Variants in CDH15 observed in about 807,000 individuals in gnomAD.
The protein encoded by CDH15 is cadherin 15.
CDH15 carries 73 observed loss-of-function variants against 69.4 expected under a neutral mutation model. The ratio of observed to expected loss-of-function variants is 1.05; its 90% CI spans 0.87 to 1.28. CDH15 has a LOEUF of 1.28. CDH15 is among the 50% of genes most tolerant of loss of function. The probability of loss-of-function intolerance (pLI) is 0.00; values close to 1 mark genes in which losing one functional copy is unlikely to be tolerated. For missense variants in CDH15, 1,343 were observed against 1,133.6 expected (o/e 1.18, Z -2.65); for synonymous variants, 624 against 507.7 (o/e 1.23, Z -3.08).
At chr16:89,187,871 G>A (rs1915524722) in intron 6 of CDH15, among the ~76,000 whole-genome samples, 1 of 152,200 alleles carries the variant, frequency 6.6e-6, no homozygotes, top group Non-Finnish European at 1.5e-5. Context: ...ACGAAGCTGA[G>A]CCCACAGAGG....
At position 89,190,314 on chromosome 16, in the gene CDH15, G is replaced by A. The variant is rs548832046; in HGVS notation, c.1050G>A (p.Ala350=). 1.4e-5 allele frequency: 23 copies of A among 1,612,218 alleles called. No individual in the cohort carries two copies. Among genetic ancestry groups the A allele is most frequent in the African/African-American group, 6.7e-5 (5 of 75,042 alleles). ...VSVQNEAPLQ[A]AALRAERGQA... is the part of the protein sequence containing the mutation. ...TGCAGAATGAGGCCCCGCTGCAGGC[G>A]GCTGCCCTTAGGGCTGAGCGGGGCC... is the stretch of plus-strand genomic sequence containing the variant. The change falls in exon 8 of 14, where the codon GCG becomes GCA. Residue 350 remains alanine, a synonymous_variant. Coordinates refer to ENST00000289746, the MANE Select transcript of CDH15 (RefSeq NM_004933.3).
Position 89,193,370 on chromosome 16 carries a change from C to T in CDH15, c.1856-100C>T, listed in dbSNP as rs565045517. ...CCTCAACCCCACCCCTGCTTACCAG[C>T]CTTGCCCCGCCCCGCCCCCTCCTCC... On this transcript the variant is annotated intron_variant, in intron 11 of 13. Coordinates refer to ENST00000289746, the MANE Select transcript of CDH15 (RefSeq NM_004933.3). The T allele has an allele frequency of 1.3e-4, 90 of 706,444 alleles. 2 individuals are homozygous for T. The African/African-American group carries it at 1.6e-3, about 13-fold the overall frequency. 43.8% of individuals were successfully genotyped at this position (706,444 alleles called of 1,614,324 possible).
Position 89,192,015 on chromosome 16 carries a change from C to A in CDH15, c.1615+121C>A, listed in dbSNP as rs1014628664. On this transcript the variant is annotated intron_variant, in intron 10 of 13. Transcript: ENST00000289746. The stretch of plus-strand genomic sequence containing the variant: ...AAACCCGTGGTCCTGCAACAGGTCC[C>A]CTCCCGCCACCCCCCCCACCACTGC... 8.1e-5 allele frequency: 94 copies of A among 1,162,226 alleles called. 1 individual carries two copies. The African/African-American group carries it at 1.3e-3, about 16-fold the overall frequency. 72.0% of individuals were successfully genotyped at this position (1,162,226 alleles called of 1,614,324 possible).
chr16:89,180,082 A>G (rs1033403660), intron 2 of CDH15, 118 bp from the exon 3 acceptor site: 3 of 1,113,474 alleles, frequency 2.7e-6, no homozygotes, highest in Non-Finnish European at 4.0e-6. Flanking sequence ...TCCGTCCTCC[A>G]GTCCTAGGAG....
intron 10 of CDH15, 59 bp downstream of exon 10, chr16:89,191,953 CCGGCCTCGGA>C: frequency 6.8e-7 from 1 of 1,465,568 alleles, no homozygotes; most frequent in Non-Finnish European, 9.2e-7. Flanking sequence ...CCCCCACATT[CCGGCCTCGGA>C]CGGGGGCAGG....
At chr16:89,171,896 G>C (rs770901145) in intron 1 of CDH15, 23 bp downstream of exon 1, 2 of 1,546,102 alleles carry the variant, frequency 1.3e-6, no homozygotes, top group African/African-American at 1.4e-5. Context: ...CACCTGCGGG[G>C]GTCCCCGCTG....
chr16:89,183,859 A>G (rs1304309106), intron 4 of CDH15, among the ~76,000 whole-genome samples, 167 bp downstream of exon 4: 1 of 152,118 alleles, frequency 6.6e-6, no homozygotes, highest in Non-Finnish European at 1.5e-5. Flanking sequence ...GCCACTTCCC[A>G]TTCCAACATA....
rs1186916634 is a variant in CDH15 at position 89,179,536 on chromosome 16, T to A, written c.163T>A (p.Ser55Thr). The A allele has an allele frequency of 6.2e-7, 1 of 1,610,458 alleles. No individual in the cohort carries two copies. The highest frequency in any genetic ancestry group is 8.5e-7 in the Non-Finnish European group (1 of 1,178,130). Residue 55 changes from serine to threonine, a missense_variant, in exon 2 of 14, where the codon TCC becomes ACC. Coordinates refer to ENST00000289746, the MANE Select transcript of CDH15 (RefSeq NM_004933.3). ...RAWVIPPISV[S>T]ENHKRLPYPL... ...CTGGGTCATCCCCCCGATCAGCGTATCCGAGAACCACAAGCGTCTCCCCTA... is the reference window on the plus strand; with the variant it reads ...CTGGGTCATCCCCCCGATCAGCGTAACCGAGAACCACAAGCGTCTCCCCTA...
At chr16:89,191,181 G>A (rs147866544) in intron 8 of CDH15, 149 bp from the exon 9 acceptor site, 873 of 847,790 alleles carry the variant, frequency 1.0e-3, no homozygotes, top group Non-Finnish European at 1.4e-3. Context: ...CTGTGTGTGC[G>A]TGTGTATATG....
intron 12 of CDH15, 46 bp downstream of exon 12, chr16:89,193,652 G>A: frequency 1.9e-6 from 3 of 1,568,012 alleles, no homozygotes; most frequent in Non-Finnish European, 2.6e-6. Flanking sequence ...AGGAACCCAG[G>A]TCGCGGGCCT....
At position 89,179,580 on chromosome 16, in the gene CDH15, C is replaced by T; in HGVS notation, c.201+6C>T. 6.3e-7 allele frequency: 1 copy of T among 1,577,622 alleles called. No individual in the cohort carries two copies. Among genetic ancestry groups the T allele is most frequent in the Non-Finnish European group, 8.6e-7 (1 of 1,159,402 alleles). On this transcript the variant is annotated splice_donor_region_variant and intron_variant, in intron 2 of 13. Transcript: ENST00000289746. ...TCCCCTACCCCCTGGTTCAGGTGAG[C>T]AGGTGGAGGGGGCAGGAGGGGAGAA...
Position 89,179,496 on chromosome 16 carries a change from C to A in CDH15, c.123C>A (p.Ser41Arg). 6.2e-7 allele frequency: 1 copy of A among 1,613,352 alleles called. No homozygotes were observed. Among genetic ancestry groups the A allele is most frequent in the African/African-American group, 1.3e-5 (1 of 75,056 alleles). The change falls in exon 2 of 14, where the codon AGC becomes AGA. Residue 41 changes from serine to arginine, a missense_variant. By Grantham distance (110) the Ser-to-Arg change is moderately radical. Transcript: ENST00000289746. ...CCTGGCGCCGGGCGCCTGCCCTGAG[C>A]CGCGTGCGGAGGGCCTGGGTCATCC... The part of the protein sequence containing the change: ...LYPWRRAPAL[S>R]RVRRAWVIPP...
At chr16:89,187,863 G>A (rs1358682059) in intron 6 of CDH15, among the ~76,000 whole-genome samples, 3 of 152,216 alleles carry the variant, frequency 2.0e-5, no homozygotes, top group South Asian at 2.1e-4. Flanking sequence ...AAGGGAGCAC[G>A]AAGCTGAGCC....
chr16:89,183,717 C>A, intron 4 of CDH15, 25 bp downstream of exon 4: 2 of 1,572,176 alleles, frequency 1.3e-6, no homozygotes, highest in Non-Finnish European at 1.7e-6. Flanking sequence ...CAGCCCCGGG[C>A]CGGGAGGGGC....
chr16:89,186,943 G>A (rs930459788), intron 5 of CDH15, among the ~76,000 whole-genome samples: 9 of 149,394 alleles, frequency 6.0e-5, no homozygotes, highest in African/African-American at 1.7e-4. Context: ...CACACAGTAG[G>A]TGCTCTGTAA....
rs1427000148 is a variant in CDH15, at chr16:89,183,192, A to C, written c.358-356A>C. 2.4e-5 allele frequency: 5 copies of C among 210,768 alleles called. No homozygotes were observed. In the East Asian group the frequency reaches 3.3e-4, roughly 14 times the overall value. 13.1% of individuals were successfully genotyped at this position (210,768 alleles called of 1,614,324 possible). The stretch of plus-strand genomic sequence containing the variant: ...AGTGAAACTCTATCTCAAAAAAAAA[A>C]ACAAAAAACAAAAACATAACTTCAG... On this transcript the variant is annotated intron_variant, in intron 3 of 13. Coordinates refer to ENST00000289746, the MANE Select transcript of CDH15 (RefSeq NM_004933.3).
At chr16:89,183,027 A>G (rs1377577570) in intron 3 of CDH15, 1 of 154,636 alleles carries the variant, frequency 6.5e-6, no homozygotes, top group East Asian at 1.9e-4. Context: ...CTAAAAATAC[A>G]AAAAATTCGC....
rs1377744014 is a variant in CDH15 at position 89,192,334 on chromosome 16, G to A, written c.1745G>A (p.Cys582Tyr). ...EQPLNVTVCR[C>Y]GKDGVCLPGA... ...CCTCTGAACGTGACCGTGTGCCGCTGCGGCAAGGACGGCGTCTGCCTGCCG... is the reference window on the plus strand; with the variant it reads ...CCTCTGAACGTGACCGTGTGCCGCTACGGCAAGGACGGCGTCTGCCTGCCG... Residue 582 changes from cysteine to tyrosine, a missense_variant, in exon 11 of 14, where the codon TGC (cysteine) becomes TAC (tyrosine). By Grantham distance (194) the Cys-to-Tyr change is radical (BLOSUM62 -2). Transcript: ENST00000289746. 7.2e-6 allele frequency: 11 copies of A among 1,535,876 alleles called. No individual in the cohort carries two copies. Among genetic ancestry groups the A allele is most frequent in the African/African-American group, 4.1e-5 (3 of 73,026 alleles).
chr16:89,177,790 A>G (rs558860565), intron 1 of CDH15, among the ~76,000 whole-genome samples: 12 of 152,250 alleles, frequency 7.9e-5, no homozygotes, highest in Middle Eastern at 3.4e-3. Flanking sequence ...GCCCAGAGCC[A>G]TGTCCTGTCA....
Sources: gnomAD v4.1 joint callset for allele counts (sites outside exome capture counted in the v4.1 genomes callset) on GRCh38, gnomAD v4.1.1 for gene constraint, MANE v1.5 for transcripts, NCBI Gene and HGNC (gene_info 2026-07-23, HGNC 2026-07-21) for gene names.